C2CD3: variants seen among roughly 807,000 people sequenced by gnomAD.
C2CD3 encodes C2 domain containing 3 centriole elongation regulator.
Under a neutral mutation model 234.0 loss-of-function variants are expected in C2CD3, and 148 were observed. The ratio of observed to expected loss-of-function variants is 0.63; its 90% CI spans 0.55 to 0.72. The LOEUF is 0.72. C2CD3 is among the 30% of genes least tolerant of loss of function. The pLI is 0.00. For missense variants in C2CD3, 2,577 were observed against 2,811.5 expected, an observed-to-expected ratio of 0.92 and a Z score of 1.89; for synonymous variants, 1,000 against 1,035.4, an observed-to-expected ratio of 0.97 and a Z score of 0.66.
At chr11:74,109,747 G>A (rs1228718197) in intron 11 of C2CD3, among the ~76,000 whole-genome samples, 1 of 152,060 alleles carries the variant, frequency 6.6e-6, no homozygotes, top group Non-Finnish European at 1.5e-5. Context: ...TTGAGTTTGT[G>A]CTCATGGCCA....
At chr11:74,095,446 A>G in intron 16 of C2CD3, 38 bp from the exon 17 acceptor site, 1 of 1,520,562 alleles carries the variant, frequency 6.6e-7, no homozygotes, top group Non-Finnish European at 9.0e-7. Flanking sequence ...AGCTTTAAAG[A>G]GTAACTTGCT....
chr11:74,133,040 T>G, intron 6 of C2CD3, 68 bp from the exon 7 acceptor site: 1 of 1,460,004 alleles, frequency 6.8e-7, no homozygotes, highest in Non-Finnish European at 9.6e-7. Context: ...TCATAATCAC[T>G]TCGTACATGC....
chr11:74,089,627 T>C (rs1240921263), intron 20 of C2CD3, among the ~76,000 whole-genome samples: 1 of 152,232 alleles, frequency 6.6e-6, no homozygotes, highest in Non-Finnish European at 1.5e-5. Context: ...TCAAAGGGTG[T>C]CAGTCTGAAG....
chr11:74,116,632 C>T (rs565608843), intron 9 of C2CD3, among the ~76,000 whole-genome samples: 6 of 151,916 alleles, frequency 3.9e-5, no homozygotes, highest in Admixed American at 2.0e-4. Flanking sequence ...TAGGTATCTA[C>T]CCAGAGGAAA....
chr11:74,053,284 A>C (rs826088), intron 26 of C2CD3, among the ~76,000 whole-genome samples: 7,007 of 152,306 alleles, frequency 0.046, 468 homozygotes, highest in African/African-American at 0.15. Flanking sequence ...ATTGCTCGGT[A>C]ATAAAAACAA....
intron 27 of C2CD3, among the ~76,000 whole-genome samples, chr11:74,048,788 A>G (rs1250968134): frequency 6.6e-6 from 1 of 152,130 alleles, no homozygotes; most frequent in African/African-American, 2.4e-5. Flanking sequence ...ATGGATGACC[A>G]CTCTGTGCCA....
At chr11:74,074,109 T>C (rs1234304268) in intron 24 of C2CD3, 144 bp downstream of exon 24, 1 of 672,214 alleles carries the variant, frequency 1.5e-6, no homozygotes, top group East Asian at 2.7e-5. Flanking sequence ...AAAGCTTTCA[T>C]GTTGCTTAAA....
chr11:74,059,542 C>T (rs1018030426), intron 24 of C2CD3, among the ~76,000 whole-genome samples: 7 of 152,046 alleles, frequency 4.6e-5, no homozygotes, highest in African/African-American at 1.7e-4. Flanking sequence ...AAGTACTCCT[C>T]CAGGGGCCTC....
At chr11:74,122,923 G>C in intron 8 of C2CD3, 65 bp downstream of exon 8, 1 of 1,345,726 alleles carries the variant, frequency 7.4e-7, no homozygotes, top group Non-Finnish European at 1.1e-6. Flanking sequence ...TGTCATGCCT[G>C]CAGCTACTAA....
chr11:74,068,706 C>T (rs1385240768), intron 24 of C2CD3, among the ~76,000 whole-genome samples: 1 of 152,202 alleles, frequency 6.6e-6, no homozygotes, highest in African/African-American at 2.4e-5. Flanking sequence ...AATAAGTGCT[C>T]TCAAACCACC....
rs931306691 is a variant in C2CD3, at chr11:74,170,887, G to C, written c.-95C>G. The C allele has an allele frequency of 3.6e-5, 58 of 1,589,728 alleles. No homozygotes were observed. Among genetic ancestry groups the C allele is most frequent in the Admixed American group, 9.0e-5 (5 of 55,412 alleles). On this transcript the variant is annotated 5_prime_UTR_variant, in exon 1 of 33. Coordinates refer to ENST00000334126, the MANE Select transcript of C2CD3 (RefSeq NM_001286577.2). ...CCTCCCCACGGCGCCTGCGTTCCCC[G>C]GCAACCGGCGCCGCTGGGCAGCCTG...
In C2CD3 at chr11:74,052,178, C is replaced by G. The variant is rs1040525473; in HGVS notation, c.5155+2429G>C. Reference sequence around the variant, plus strand: ...CATTTTCCTCACTTTCATTTATGACCAGATCTTAGCAAGACCCTCTTGAAG... The same window carrying G: ...CATTTTCCTCACTTTCATTTATGACGAGATCTTAGCAAGACCCTCTTGAAG... On this transcript the variant is annotated intron_variant, in intron 26 of 32. Coordinates refer to ENST00000334126, the MANE Select transcript of C2CD3 (RefSeq NM_001286577.2). 1.2e-4 allele frequency among the ~76,000 whole-genome samples: 18 copies of G among 152,130 alleles called. 2 individuals carry two copies. The highest frequency in any genetic ancestry group is 1.1e-3 in the Admixed American group (17 of 15,274).
chr11:74,161,693 T>C, intron 2 of C2CD3, 137 bp from the exon 3 acceptor site: 1 of 460,972 alleles, frequency 2.2e-6, no homozygotes, highest in Non-Finnish European at 3.7e-6. Flanking sequence ...ACCATTGCAT[T>C]GGTGAAAGTG....
chr11:74,167,408 G>A lies in C2CD3; in HGVS notation c.325+936C>T, dbSNP rs1856880055. On this transcript the variant is annotated intron_variant, in intron 2 of 32. Transcript: ENST00000334126. ...ACTTTTTTGTGAAGTTAGAGTTCGG[G>A]ATCATTCTTATTAATTTTTTGGATT... 2.0e-5 allele frequency among the ~76,000 whole-genome samples: 3 copies of A among 152,278 alleles called. No homozygotes were observed. In the South Asian group the frequency reaches 6.2e-4, roughly 32 times the overall value.
intron 24 of C2CD3, among the ~76,000 whole-genome samples, chr11:74,064,798 C>T (rs1421775924): frequency 6.6e-6 from 1 of 152,124 alleles, no homozygotes; most frequent in Non-Finnish European, 1.5e-5. Flanking sequence ...CTTTGACAAA[C>T]CTGACAAAAA....
chr11:74,152,621 C>G (rs1855738124), intron 3 of C2CD3, among the ~76,000 whole-genome samples: 1 of 152,170 alleles, frequency 6.6e-6, no homozygotes, highest in Non-Finnish European at 1.5e-5. Context: ...TGTAATGTTT[C>G]ATTTCATCCT....
chr11:74,138,640 T>C (rs1445944397), intron 5 of C2CD3, 80 bp downstream of exon 5: 6 of 1,143,180 alleles, frequency 5.2e-6, no homozygotes, highest in African/African-American at 1.5e-5. Flanking sequence ...GAGTCTTGGT[T>C]CTCTTTGTAG....
chr11:74,042,583 TC>T (rs1272385351), intron 28 of C2CD3, among the ~76,000 whole-genome samples: 1 of 151,966 alleles, frequency 6.6e-6, no homozygotes, highest in Non-Finnish European at 1.5e-5. Flanking sequence ...CGAAACCCTG[TC>T]CCTACTAAAA....
At position 74,034,184 on chromosome 11, in the gene C2CD3, C is replaced by CT; in HGVS notation, c.5975dup (p.Asp1993GlyfsTer14). 1 of 1,536,210 alleles carries CT rather than the reference C, an allele frequency of 6.5e-7. No individual in the cohort carries two copies. Among genetic ancestry groups the CT allele is most frequent in the South Asian group, 1.2e-5 (1 of 84,042 alleles). ...ATCGTTCTTGCAGTGCTTCTGTGTC[C>CT]TGAGCATCTGGGAGGGTGGTGGCCT... On this transcript the variant is annotated frameshift_variant, in exon 31 of 33. Transcript: ENST00000334126. LOFTEE classifies it high-confidence loss of function.
Sources: gnomAD v4.1 joint callset for allele counts (sites outside exome capture counted in the v4.1 genomes callset) on GRCh38, gnomAD v4.1.1 for gene constraint, MANE v1.5 for transcripts, NCBI Gene and HGNC (gene_info 2026-07-23, HGNC 2026-07-21) for gene names.